Variants in TAX1BP1 observed in about 807,000 individuals in gnomAD.
The protein encoded by TAX1BP1 is Tax1 binding protein 1, also known as tax1-binding protein 1.
In TAX1BP1, 62 loss-of-function variants were observed where a neutral mutation model predicts 97.7. The ratio of observed to expected loss-of-function variants is 0.63; its 90% CI spans 0.52 to 0.78. The LOEUF is 0.78. Ranked by LOEUF, TAX1BP1 falls within the 30% of genes least tolerant of loss-of-function variation. The pLI is 0.00. For synonymous variants in TAX1BP1, 340 were observed against 304.2 expected (o/e 1.12, Z -1.23); for missense variants, 867 against 916.1 (o/e 0.95, Z 0.69).
At chr7:27,762,764 T>C (rs1438306187) in intron 3 of TAX1BP1, among the ~76,000 whole-genome samples, 4 of 151,978 alleles carry the variant, frequency 2.6e-5, no homozygotes, top group Non-Finnish European at 5.9e-5. Context: ...GCCTGGGCAA[T>C]TTGGCAAAAC....
intron 5 of TAX1BP1, chr7:27,772,474 T>C (rs1217013150): frequency 6.6e-6 from 1 of 152,066 alleles, no homozygotes; most frequent in Non-Finnish European, 1.5e-5. Flanking sequence ...ATTTTCTTCA[T>C]AATAGGAGAA....
intron 15 of TAX1BP1, among the ~76,000 whole-genome samples, chr7:27,822,982 AAACT>A (rs1296799840): frequency 2.0e-5 from 3 of 152,190 alleles, no homozygotes; most frequent in African/African-American, 2.4e-5. Flanking sequence ...AAGCTTTTGA[AAACT>A]AACAGATGTG....
At chr7:27,769,905 G>A in intron 5 of TAX1BP1, 71 bp downstream of exon 5, 3 of 1,470,348 alleles carry the variant, frequency 2.0e-6, no homozygotes, top group Non-Finnish European at 1.9e-6. Context: ...TTAAAGAGCT[G>A]AACCAATTAA....
At chr7:27,765,252 C>T (rs567422131) in intron 3 of TAX1BP1, among the ~76,000 whole-genome samples, 36 of 151,518 alleles carry the variant, frequency 2.4e-4, no homozygotes, top group Non-Finnish European at 4.3e-4. Flanking sequence ...CAGGTGGGCT[C>T]AAGCGAATCT....
chr7:27,741,573 T>C (rs1458164084), intron 1 of TAX1BP1, among the ~76,000 whole-genome samples: 1 of 151,316 alleles, frequency 6.6e-6, no homozygotes, highest in South Asian at 2.1e-4. Flanking sequence ...CGATCGCGGC[T>C]CATTGCAACC....
At chr7:27,784,842 G>GC (rs982726124) in intron 5 of TAX1BP1, among the ~76,000 whole-genome samples, 2 of 151,956 alleles carry the variant, frequency 1.3e-5, no homozygotes, top group African/African-American at 4.8e-5. Context: ...AATTAGCCAG[G>GC]CGTGGTGGTG....
chr7:27,793,359 C>A, intron 10 of TAX1BP1, 147 bp downstream of exon 10: 1 of 771,908 alleles, frequency 1.3e-6, no homozygotes, highest in Non-Finnish European at 1.9e-6. Context: ...TGTAATAACT[C>A]TTCTTTAAAA....
intron 12 of TAX1BP1, among the ~76,000 whole-genome samples, chr7:27,799,476 T>G (rs1790053499): frequency 6.6e-6 from 1 of 152,144 alleles, no homozygotes. Flanking sequence ...TGACTTTATT[T>G]CCTCCCTTTG....
chr7:27,774,206 A>G (rs1256785673), intron 5 of TAX1BP1, among the ~76,000 whole-genome samples: 1 of 149,216 alleles, frequency 6.7e-6, no homozygotes, highest in Non-Finnish European at 1.5e-5. Context: ...AGCTATCTTT[A>G]TCTTTTTGGC....
intron 5 of TAX1BP1, among the ~76,000 whole-genome samples, chr7:27,770,730 T>C (rs574196197): frequency 1.3e-5 from 2 of 152,268 alleles, no homozygotes; most frequent in South Asian, 4.1e-4. Flanking sequence ...AGAGATGTTA[T>C]ACAAGTAAGT....
chr7:27,795,904 G>A (rs1789913983), intron 11 of TAX1BP1, among the ~76,000 whole-genome samples: 1 of 152,112 alleles, frequency 6.6e-6, no homozygotes, highest in Non-Finnish European at 1.5e-5. Flanking sequence ...TATTGAATGC[G>A]AACTTGGTTC....
intron 2 of TAX1BP1, among the ~76,000 whole-genome samples, chr7:27,749,035 T>G (rs1413397338): frequency 6.6e-6 from 1 of 152,240 alleles, no homozygotes; most frequent in Non-Finnish European, 1.5e-5. Context: ...GAAATTAATT[T>G]TATACAGCTT....
chr7:27,816,434 C>T lies in TAX1BP1; in HGVS notation c.1850C>T (p.Ser617Leu), dbSNP rs867861380. The T allele has an allele frequency of 1.9e-6, 3 of 1,574,554 alleles. No individual in the cohort carries two copies. The highest frequency in any genetic ancestry group is 3.3e-4 in the Middle Eastern group (2 of 5,988). ...AGTCCTCAATGTTTCAAAACATGCT[C>T]AGAGCAAAATGGTTATGTTCTCACA... ...SQSPQCFKTC[S>L]EQNGYVLTLS... is the part of the protein sequence containing the mutation. Residue 617 changes from serine to leucine, a missense_variant, in exon 14 of 17, where the codon TCA (serine) becomes TTA (leucine). Coordinates refer to ENST00000396319, the MANE Select transcript of TAX1BP1 (RefSeq NM_006024.7).
At chr7:27,774,701 T>A (rs1179108096) in intron 5 of TAX1BP1, among the ~76,000 whole-genome samples, 3 of 152,140 alleles carry the variant, frequency 2.0e-5, no homozygotes, top group Non-Finnish European at 4.4e-5. Context: ...CTATTTACAA[T>A]GTTTTCTTTT....
chr7:27,770,856 A>G (rs780646969), intron 5 of TAX1BP1, among the ~76,000 whole-genome samples: 2 of 152,052 alleles, frequency 1.3e-5, no homozygotes, highest in Non-Finnish European at 2.9e-5. Flanking sequence ...CTCCTTATAA[A>G]TGTGAAGTCT....
intron 11 of TAX1BP1, 47 bp downstream of exon 11, chr7:27,794,493 G>A (rs1270527900): frequency 6.7e-7 from 1 of 1,501,344 alleles, no homozygotes; most frequent in Non-Finnish European, 8.9e-7. Flanking sequence ...ACATTGAAAA[G>A]TACTTATACT....
intron 3 of TAX1BP1, among the ~76,000 whole-genome samples, chr7:27,759,538 T>A (rs1371515782): frequency 1.3e-5 from 2 of 152,132 alleles, no homozygotes; most frequent in Non-Finnish European, 2.9e-5. Context: ...AACCCCAAGT[T>A]GAACATTCCC....
chr7:27,803,279 A>G (rs1562733562), intron 13 of TAX1BP1: 1 of 1,139,022 alleles, frequency 8.8e-7, no homozygotes, highest in South Asian at 2.7e-5. Flanking sequence ...TGACAGTACA[A>G]TGTTCAAATT....
At chr7:27,757,119 A>G (rs183669233) in intron 2 of TAX1BP1, among the ~76,000 whole-genome samples, 5 of 152,216 alleles carry the variant, frequency 3.3e-5, no homozygotes, top group African/African-American at 9.6e-5. Context: ...GTTGTCTACA[A>G]TCAGGCCAAT....
Sources: allele counts gnomAD v4.1 joint callset (sites outside exome capture counted in the v4.1 genomes callset), GRCh38; gene constraint gnomAD v4.1.1; transcripts MANE v1.5; gene names NCBI Gene and HGNC (gene_info 2026-07-23, HGNC 2026-07-21).